PTPRD: variants seen among roughly 807,000 people sequenced by gnomAD.
The protein encoded by PTPRD is receptor-type tyrosine-protein phosphatase delta.
Under a neutral mutation model 214.5 loss-of-function variants are expected in PTPRD, and 34 were observed. The observed-to-expected ratio is 0.16, with a 90% CI of 0.12 to 0.21. The LOEUF (loss-of-function observed/expected upper bound fraction) is 0.21. Ranked by LOEUF, PTPRD falls within the 10% of genes least tolerant of loss-of-function variation. The pLI, the probability that PTPRD is intolerant of heterozygous loss-of-function variation, is 1.00. For synonymous variants in PTPRD, 1,128 were observed against 845.7 expected (o/e 1.33, Z -5.79); for missense variants, 2,545 against 2,398.7 (o/e 1.06, Z -1.27).
intron 11 of PTPRD, among the ~76,000 whole-genome samples, chr9:8,922,646 T>G (rs996566603): frequency 6.6e-6 from 1 of 152,084 alleles, no homozygotes. Flanking sequence ...TAATTTTATT[T>G]TTTTTGAGAC....
chr9:9,945,937 A>G (rs1394391575), intron 4 of PTPRD, among the ~76,000 whole-genome samples: 1 of 147,102 alleles, frequency 6.8e-6, no homozygotes, highest in Non-Finnish European at 1.5e-5. Flanking sequence ...CCAAAGAACT[A>G]TTATTGTAAA....
rs2097524500 is a variant in PTPRD at position 10,050,877 on chromosome 9, T to C, written c.-544-17087A>G. On this transcript the variant is annotated intron_variant, in intron 3 of 45. Coordinates refer to ENST00000381196, the MANE Select transcript of PTPRD (RefSeq NM_002839.4). ...AATTAATTCTCTATCTAACTATCTATTAGAAAATTACATAAAATCAAATGT... is the reference window on the plus strand; with the variant it reads ...AATTAATTCTCTATCTAACTATCTACTAGAAAATTACATAAAATCAAATGT... Among the ~76,000 whole-genome samples, 3 of 152,236 alleles carry C rather than the reference T, an allele frequency of 2.0e-5. No individual in the cohort carries two copies. In the South Asian group the frequency reaches 6.2e-4, roughly 32 times the overall value.
At chr9:9,953,628 C>A (rs1306866760) in intron 4 of PTPRD, among the ~76,000 whole-genome samples, 1 of 152,062 alleles carries the variant, frequency 6.6e-6, no homozygotes, top group Non-Finnish European at 1.5e-5. Context: ...GGTATTTGTA[C>A]TGGAGCAAAT....
intron 35 of PTPRD, among the ~76,000 whole-genome samples, chr9:8,433,985 T>G (rs1424184938): frequency 8.1e-6 from 1 of 124,198 alleles, no homozygotes; most frequent in African/African-American, 4.2e-5. Flanking sequence ...ATTTGTTTGT[T>G]TGCTTGTTTG....
At chr9:8,790,537 C>T (rs2096187579) in intron 11 of PTPRD, among the ~76,000 whole-genome samples, 1 of 151,950 alleles carries the variant, frequency 6.6e-6, no homozygotes, top group Non-Finnish European at 1.5e-5. Flanking sequence ...CCTGCCTCAG[C>T]CTCCCGAGTA....
intron 5 of PTPRD, among the ~76,000 whole-genome samples, chr9:9,845,136 AT>A (rs2059249352): frequency 6.6e-4 from 1 of 1,516 alleles, no homozygotes; most frequent in Non-Finnish European, 2.0e-3. Context: ...ATAGAGCAAT[AT>A]ATATATATAT....
chr9:9,411,262 C>CTTTTTT (rs34617237), intron 8 of PTPRD, among the ~76,000 whole-genome samples: 15,624 of 139,748 alleles, frequency 0.11, 1,208 homozygotes, highest in African/African-American at 0.17. Context: ...AGCATTGTGT[C>CTTTTTT]TTTTTTTTTT....
At chr9:9,315,077 T>A (rs1961879888) in intron 9 of PTPRD, among the ~76,000 whole-genome samples, 1 of 152,030 alleles carries the variant, frequency 6.6e-6, no homozygotes, top group Admixed American at 6.6e-5. Flanking sequence ...CCAACTAAAG[T>A]TGTCATTTAG....
In PTPRD at chr9:9,027,071, T is replaced by C. The variant is rs1243551912; in HGVS notation, c.-142-8336A>G. Among the ~76,000 whole-genome samples the C allele has an allele frequency of 6.6e-5, 10 of 151,666 alleles. No homozygotes were observed. The South Asian group carries it at 1.9e-3, about 28-fold the overall frequency. On this transcript the variant is annotated intron_variant, in intron 10 of 45. Transcript: ENST00000381196. The stretch of plus-strand genomic sequence containing the variant: ...CTATCCTTGGCTCTGGCACCTGCTA[T>C]GTCTGGTGTTCCGCCCATTACTATT...
At chr9:8,981,315 G>C (rs2099311537) in intron 11 of PTPRD, among the ~76,000 whole-genome samples, 1 of 151,760 alleles carries the variant, frequency 6.6e-6, no homozygotes, top group Non-Finnish European at 1.5e-5. Flanking sequence ...TAATTTAAGG[G>C]GATGTCTACA....
intron 9 of PTPRD, among the ~76,000 whole-genome samples, chr9:9,244,163 C>T (rs911967057): frequency 9.2e-5 from 14 of 152,252 alleles, no homozygotes; most frequent in African/African-American, 1.9e-4. Flanking sequence ...AAGAACATTC[C>T]ATGCTCATGG....
chr9:9,452,106 A>C (rs2092309419), intron 8 of PTPRD, among the ~76,000 whole-genome samples: 1 of 151,552 alleles, frequency 6.6e-6, no homozygotes, highest in Non-Finnish European at 1.5e-5. Context: ...ATCTATACCT[A>C]GCAGTTTATA....
chr9:10,536,672 G>C (rs2757869), intron 2 of PTPRD, among the ~76,000 whole-genome samples: 2 of 152,012 alleles, frequency 1.3e-5, no homozygotes, highest in African/African-American at 4.8e-5. Context: ...AGCACTTCCT[G>C]TTCCTGGTTA....
chr9:8,490,864 T>G (rs974229560), intron 27 of PTPRD, among the ~76,000 whole-genome samples: 1 of 152,162 alleles, frequency 6.6e-6, no homozygotes, highest in Non-Finnish European at 1.5e-5. Flanking sequence ...AAAATAAAAT[T>G]TCACAAGAAT....
chr9:8,706,572 C>A (rs185352641), intron 12 of PTPRD, among the ~76,000 whole-genome samples: 3 of 152,138 alleles, frequency 2.0e-5, no homozygotes, highest in East Asian at 3.9e-4. Context: ...GGAAACAGAG[C>A]GATTATCCCA....
At chr9:10,230,436 G>GTATCTATGTATCTATCTATCTATC (rs1554901383) in intron 3 of PTPRD, among the ~76,000 whole-genome samples, 4 of 140,636 alleles carry the variant, frequency 2.8e-5, no homozygotes, top group African/African-American at 5.5e-5. Flanking sequence ...ATGTATCTAT[G>GTATCTATGTATCTATCTATCTATC]TATCTATCTA....
chr9:9,804,833 A>C (rs530295038), intron 5 of PTPRD, among the ~76,000 whole-genome samples: 84 of 151,422 alleles, frequency 5.5e-4, no homozygotes, highest in African/African-American at 1.9e-3. Context: ...ATTATGTTAA[A>C]TTTCATCCAC....
At chr9:8,820,764 G>A (rs1018345719) in intron 11 of PTPRD, among the ~76,000 whole-genome samples, 3 of 151,898 alleles carry the variant, frequency 2.0e-5, no homozygotes. Context: ...ATGTATATAT[G>A]TCTCTGGACT....
At chr9:9,669,670 G>C (rs1214177207) in intron 7 of PTPRD, among the ~76,000 whole-genome samples, 3 of 152,032 alleles carry the variant, frequency 2.0e-5, no homozygotes, top group Admixed American at 2.0e-4. Context: ...ATACATTTAT[G>C]AGTCAGAAAC....
Sources: gnomAD v4.1 joint callset for allele counts (sites outside exome capture counted in the v4.1 genomes callset) on GRCh38, gnomAD v4.1.1 for gene constraint, MANE v1.5 for transcripts, NCBI Gene and HGNC (gene_info 2026-07-23, HGNC 2026-07-21) for gene names.